SLC4A1AP: variants seen among roughly 807,000 people sequenced by gnomAD.
SLC4A1AP encodes the protein solute carrier family 4 member 1 adaptor protein, also known as kanadaptin.
SLC4A1AP carries 64 observed loss-of-function variants against 89.7 expected under a neutral mutation model. The observed-to-expected ratio is 0.71, with a 90% CI of 0.58 to 0.88. The LOEUF (loss-of-function observed/expected upper bound fraction) is 0.88, where lower values mean the gene tolerates loss of function less well. Among genes scored for constraint, SLC4A1AP ranks in the 40% least tolerant of loss-of-function variants. SLC4A1AP has a pLI of 0.00. For synonymous variants in SLC4A1AP, 366 were observed against 353.3 expected (o/e 1.04, Z -0.40); for missense variants, 931 against 965.0 (o/e 0.96, Z 0.47).
exon 9 of SLC4A1AP, chr2:27,682,303 C>G (rs1259942932): frequency 4.3e-6 from 7 of 1,613,900 alleles, no homozygotes; most frequent in Non-Finnish European, 5.1e-6. Context: ...TACATTGCCT[C>G]TATTTGGTGC....
Position 27,688,754 on chromosome 2 carries a change from C to G in SLC4A1AP, c.2258C>G (p.Pro753Arg), listed in dbSNP as rs372818357. 5.3e-5 allele frequency: 85 copies of G among 1,603,390 alleles called. No homozygotes were observed. Among genetic ancestry groups the G allele is most frequent in the Non-Finnish European group, 7.1e-5 (84 of 1,176,798 alleles). ...GGTGAATTGAAGAAAAAGAAAACAC[C>G]TGGTCCAGGCAAAGTAAGTATTTCA... Residue 753 changes from proline (P) to arginine (R), a missense_variant, in exon 12 of 14, where the codon CCT (proline) becomes CGT (arginine). Pro to Arg is a moderately radical substitution (Grantham distance 103, BLOSUM62 -2). Coordinates refer to ENST00000613058, the Ensembl canonical transcript of SLC4A1AP.
At chr2:27,668,004 G>A (rs1225276797) in intron 3 of SLC4A1AP, among the ~76,000 whole-genome samples, 2 of 152,114 alleles carry the variant, frequency 1.3e-5, no homozygotes, top group Non-Finnish European at 2.9e-5. Context: ...AGTGAACAGA[G>A]CTATGTATGG....
chr2:27,682,272 A>C (rs750111411), exon 9 of SLC4A1AP: 5 of 1,613,682 alleles, frequency 3.1e-6, no homozygotes, highest in Non-Finnish European at 4.2e-6. Flanking sequence ...CTACAGGTGC[A>C]GAAAACAAAG....
Position 27,686,757 on chromosome 2 carries a change from G to C in SLC4A1AP, c.2117-1177G>C, listed in dbSNP as rs529681703. On this transcript the variant is annotated intron_variant, in intron 10 of 13. Coordinates refer to ENST00000613058, the Ensembl canonical transcript of SLC4A1AP. ...CCACTGCTCTCCAGCCTGGGTGATA[G>C]AGTGAGACTGTTTCAAAAACAAAAC... Among the ~76,000 whole-genome samples, 10 of 152,326 alleles carry C rather than the reference G, an allele frequency of 6.6e-5. No individual in the cohort carries two copies. In the South Asian group the frequency reaches 2.1e-3, roughly 32 times the overall value.
At chr2:27,665,344 A>T in intron 2 of SLC4A1AP, 49 bp downstream of exon 2, 3 of 1,471,168 alleles carry the variant, frequency 2.0e-6, no homozygotes, top group Non-Finnish European at 2.8e-6. Flanking sequence ...AGTTCATTAC[A>T]AGTGGTACCC....
At chr2:27,683,514 CTCT>C (rs1011818026) in intron 9 of SLC4A1AP, among the ~76,000 whole-genome samples, 6 of 152,184 alleles carry the variant, frequency 3.9e-5, no homozygotes, top group South Asian at 4.2e-4. Context: ...CTCCTGGTGT[CTCT>C]TCTTCTTCTT....
At chr2:27,691,938 G>A (rs370996640) in intron 12 of SLC4A1AP, 2 of 152,044 alleles carry the variant, frequency 1.3e-5, no homozygotes, top group Non-Finnish European at 1.5e-5. Context: ...GTGACATTAG[G>A]TTGTCAATTT....
chr2:27,669,118 GAT>G, intron 4 of SLC4A1AP, 128 bp from the exon 5 acceptor site: 1 of 1,105,554 alleles, frequency 9.0e-7, no homozygotes, highest in South Asian at 1.6e-5. Context: ...ACATTGGAAA[GAT>G]AGAACAAGAT....
chr2:27,673,892 A>G (rs1675470414), intron 5 of SLC4A1AP, among the ~76,000 whole-genome samples: 3 of 152,188 alleles, frequency 2.0e-5, no homozygotes, highest in South Asian at 2.1e-4. Context: ...ATGAAGGAAC[A>G]GGAGTGAAGG....
In SLC4A1AP at chr2:27,677,744, C is replaced by T. The variant is rs572446753; in HGVS notation, c.1583C>T (p.Ser528Leu). The T allele has an allele frequency of 1.0e-5, 16 of 1,598,540 alleles. No homozygotes were observed. The African/African-American group carries it at 1.4e-4, about 13-fold the overall frequency. ...TTATTCTTTTCTTGGACAGTTCTATCAGAGTCTCCATCTCAGGATTCTTTA... is the reference window on the plus strand; with the variant it reads ...TTATTCTTTTCTTGGACAGTTCTATTAGAGTCTCCATCTCAGGATTCTTTA... The change falls in exon 8 of 14, where the codon TCA becomes TTA. Residue 528 changes from serine (S) to leucine (L), a missense_variant. Coordinates refer to ENST00000613058, the Ensembl canonical transcript of SLC4A1AP.
intron 9 of SLC4A1AP, among the ~76,000 whole-genome samples, chr2:27,684,601 T>C (rs1180628163): frequency 6.6e-6 from 1 of 152,180 alleles, no homozygotes; most frequent in East Asian, 1.9e-4. Flanking sequence ...GTTTGATGGA[T>C]TTACATGCCT....
At chr2:27,667,132 G>T in intron 2 of SLC4A1AP, 136 bp from the exon 3 acceptor site, 1 of 868,716 alleles carries the variant, frequency 1.2e-6, no homozygotes, top group Non-Finnish European at 1.7e-6. Context: ...GCCTCCCAAA[G>T]TGCTGGGATT....
chr2:27,670,847 C>G (rs1337017276), intron 5 of SLC4A1AP, among the ~76,000 whole-genome samples: 2 of 150,250 alleles, frequency 1.3e-5, no homozygotes, highest in African/African-American at 4.9e-5. Flanking sequence ...GGTGACAGAG[C>G]AAGACTCCGT....
At chr2:27,693,859 G>C (rs1572998470) in intron 13 of SLC4A1AP, 105 bp downstream of exon 13, 1 of 762,534 alleles carries the variant, frequency 1.3e-6, no homozygotes, top group Admixed American at 3.3e-5. Context: ...AGAGTATGTA[G>C]TGATAATTTG....
chr2:27,680,254 G>T (rs919320394), intron 8 of SLC4A1AP, among the ~76,000 whole-genome samples: 1 of 151,968 alleles, frequency 6.6e-6, no homozygotes, highest in African/African-American at 2.4e-5. Flanking sequence ...GTGGCTGGGG[G>T]ACAGCAATGG....
chr2:27,673,433 TCC>T lies in SLC4A1AP; in HGVS notation c.1346-2097_1346-2096del, dbSNP rs1558506692. Among the ~76,000 whole-genome samples the T allele has an allele frequency of 5.7e-3, 345 of 60,288 alleles. 1 individual carries two copies. Among genetic ancestry groups the T allele is most frequent in the Non-Finnish European group, 9.1e-3 (304 of 33,286 alleles). The allele number at this position is 60,288 out of a possible 152,430, so 39.6% of individuals were successfully genotyped here. A position where few individuals can be genotyped will look rare whatever the true frequency, so the allele number is the denominator to read the frequency against. On this transcript the variant is annotated intron_variant, in intron 5 of 13. Coordinates refer to ENST00000613058, the Ensembl canonical transcript of SLC4A1AP. ...CTCCCTCCCTCCCTCCCTCCCTCCC[TCC>T]CTCCCTCCCTTCCTTCCTTCCTTCC...
intron 12 of SLC4A1AP, among the ~76,000 whole-genome samples, chr2:27,690,074 T>C (rs112251334): frequency 6.1e-4 from 93 of 152,356 alleles, no homozygotes; most frequent in African/African-American, 2.0e-3. Context: ...AGATCATTAA[T>C]AGAAACTGTT....
intron 9 of SLC4A1AP, among the ~76,000 whole-genome samples, chr2:27,683,829 G>A (rs1386973425): frequency 2.0e-5 from 3 of 151,960 alleles, no homozygotes; most frequent in Non-Finnish European, 4.4e-5. Context: ...TCCTCCTCCC[G>A]GGTTCAAGCG....
At chr2:27,664,367 G>T (rs1483872842) in exon 1 of SLC4A1AP, 2 of 1,614,080 alleles carry the variant, frequency 1.2e-6, no homozygotes, top group Admixed American at 3.3e-5. Flanking sequence ...AGCACCCTTC[G>T]GTGTCTCGGT....
Sources: gnomAD v4.1 joint callset for allele counts (sites outside exome capture counted in the v4.1 genomes callset) on GRCh38, gnomAD v4.1.1 for gene constraint, MANE v1.5 for transcripts, NCBI Gene and HGNC (gene_info 2026-07-23, HGNC 2026-07-21) for gene names.